CTNNA3: variants seen among roughly 807,000 people sequenced by gnomAD.
The protein encoded by CTNNA3 is catenin alpha-3.
CTNNA3 carries 76 observed loss-of-function variants against 95.7 expected under a neutral mutation model. That is an observed-to-expected ratio of 0.79 (90% confidence interval 0.66 to 0.96). The LOEUF is 0.96. CTNNA3 is among the 40% of genes least tolerant of loss of function. CTNNA3 has a pLI of 0.00. For missense variants in CTNNA3, 1,191 were observed against 1,089.8 expected (o/e 1.09, Z -1.31); for synonymous variants, 431 against 374.4 (o/e 1.15, Z -1.74).
chr10:67,012,336 T>C (rs1852387805), intron 7 of CTNNA3: 1 of 152,232 alleles, frequency 6.6e-6, no homozygotes, highest in African/African-American at 2.4e-5. Flanking sequence ...CCAGATCTCC[T>C]AGATGCCCAC....
At chr10:66,434,781 T>C (rs1009593260) in intron 11 of CTNNA3, among the ~76,000 whole-genome samples, 41 of 152,206 alleles carry the variant, frequency 2.7e-4, no homozygotes, top group African/African-American at 9.7e-4. Flanking sequence ...GGCTGTGAGT[T>C]TGTCATATAT....
chr10:66,169,236 C>A (rs961636136), intron 13 of CTNNA3, among the ~76,000 whole-genome samples: 3 of 152,144 alleles, frequency 2.0e-5, no homozygotes, highest in African/African-American at 7.2e-5. Flanking sequence ...GCCTTTGCAT[C>A]CTCAGAGCTT....
chr10:66,656,026 A>G (rs920018476), intron 9 of CTNNA3, among the ~76,000 whole-genome samples: 4 of 152,056 alleles, frequency 2.6e-5, no homozygotes, highest in African/African-American at 9.7e-5. Context: ...TTCTGTTTAA[A>G]TGTTTTACAT....
At chr10:66,800,278 A>G (rs1841380188) in intron 7 of CTNNA3, among the ~76,000 whole-genome samples, 1 of 151,374 alleles carries the variant, frequency 6.6e-6, no homozygotes, top group Non-Finnish European at 1.5e-5. Context: ...ATGTTCAATT[A>G]CTCAAAAGAA....
At chr10:66,311,176 G>A (rs2092015943) in intron 12 of CTNNA3, among the ~76,000 whole-genome samples, 2 of 152,208 alleles carry the variant, frequency 1.3e-5, no homozygotes, top group Non-Finnish European at 2.9e-5. Flanking sequence ...ATTGTGGAGA[G>A]CACGTCACTA....
At chr10:66,031,327 G>A (rs982450915) in intron 15 of CTNNA3, among the ~76,000 whole-genome samples, 1 of 152,138 alleles carries the variant, frequency 6.6e-6, no homozygotes, top group East Asian at 1.9e-4. Context: ...CAATGGATTG[G>A]ATGAAGAACA....
At chr10:66,261,509 G>A (rs1175808813) in intron 13 of CTNNA3, among the ~76,000 whole-genome samples, 3 of 151,828 alleles carry the variant, frequency 2.0e-5, no homozygotes, top group Non-Finnish European at 4.4e-5. Context: ...TTAATATAAC[G>A]TGTTTTGCTT....
chr10:66,572,197 AC>A (rs1268210576), intron 10 of CTNNA3, among the ~76,000 whole-genome samples: 3 of 152,062 alleles, frequency 2.0e-5, no homozygotes, highest in Non-Finnish European at 4.4e-5. Flanking sequence ...AGCCTAGCCA[AC>A]AAGGTGAAAC....
rs1447697667 is a variant in CTNNA3, at chr10:65,966,199, A to G, written c.2400+413T>C. On this transcript the variant is annotated intron_variant, in intron 17 of 17. Coordinates refer to ENST00000433211, the MANE Select transcript of CTNNA3 (RefSeq NM_013266.4). ...CATGAACATCTATGTTATAAAAAGA[A>G]ATAGGGGGAAAATGAATATCAATTA... Among the ~76,000 whole-genome samples, 5 of 152,194 alleles carry G rather than the reference A, an allele frequency of 3.3e-5. No individual in the cohort carries two copies. The East Asian group carries it at 9.6e-4, about 29-fold the overall frequency.
intron 12 of CTNNA3, among the ~76,000 whole-genome samples, chr10:66,367,051 G>A (rs1349100209): frequency 6.6e-6 from 1 of 152,094 alleles, no homozygotes; most frequent in African/African-American, 2.4e-5. Flanking sequence ...CCACACACCC[G>A]GGCCTGGGAG....
intron 10 of CTNNA3, among the ~76,000 whole-genome samples, chr10:66,570,636 A>T (rs1309421255): frequency 2.6e-5 from 4 of 151,972 alleles, no homozygotes; most frequent in East Asian, 3.9e-4. Flanking sequence ...AAACCAGCTA[A>T]CTTGACTTTT....
chr10:66,445,690 T>G (rs1052498910), intron 11 of CTNNA3, among the ~76,000 whole-genome samples: 25 of 151,344 alleles, frequency 1.7e-4, no homozygotes, highest in Admixed American at 1.4e-3. Flanking sequence ...AGAGGAAAAT[T>G]TATAGCACTA....
rs73315291 is a variant in CTNNA3 at position 66,982,795 on chromosome 10, G to T, written c.1047+197522C>A. Among the ~76,000 whole-genome samples, 1,131 of 152,268 alleles carry T rather than the reference G, an allele frequency of 7.4e-3. 18 individuals are homozygous for T. Among genetic ancestry groups the T allele is most frequent in the African/African-American group, 0.026 (1,078 of 41,556 alleles). On this transcript the variant is annotated intron_variant, in intron 7 of 17. Coordinates refer to ENST00000433211, the MANE Select transcript of CTNNA3 (RefSeq NM_013266.4). ...AAATGTCAAAATACAGGTATGAATG[G>T]AGTCTTGCCTTTCCAGTAAGATATT...
chr10:66,761,316 G>A (rs1051531276), intron 9 of CTNNA3, among the ~76,000 whole-genome samples: 1 of 152,036 alleles, frequency 6.6e-6, no homozygotes, highest in Admixed American at 6.6e-5. Context: ...TCTGATGAAA[G>A]GCTCCCATGA....
intron 15 of CTNNA3, among the ~76,000 whole-genome samples, chr10:66,043,336 C>A (rs1359883931): frequency 6.6e-6 from 1 of 152,014 alleles, no homozygotes; most frequent in Non-Finnish European, 1.5e-5. Context: ...CACATTGAAC[C>A]CCAAATTAGC....
At chr10:67,626,095 T>C (rs1308051408) in intron 2 of CTNNA3, among the ~76,000 whole-genome samples, 1 of 151,456 alleles carries the variant, frequency 6.6e-6, no homozygotes, top group African/African-American at 2.4e-5. Flanking sequence ...GACAGGAGGA[T>C]GGCTTGAGCC....
intron 5 of CTNNA3, among the ~76,000 whole-genome samples, chr10:67,270,212 T>G (rs1838914881): frequency 6.6e-6 from 1 of 152,032 alleles, no homozygotes; most frequent in African/African-American, 2.4e-5. Context: ...TTAAACATTA[T>G]CTTTCTAGAG....
At chr10:67,531,395 TG>T (rs1197592870) in intron 4 of CTNNA3, among the ~76,000 whole-genome samples, 1 of 152,222 alleles carries the variant, frequency 6.6e-6, no homozygotes, top group Non-Finnish European at 1.5e-5. Flanking sequence ...CAGCATGATC[TG>T]GATGTGAGAC....
At chr10:67,474,498 C>T (rs1847934500) in intron 5 of CTNNA3, among the ~76,000 whole-genome samples, 1 of 152,118 alleles carries the variant, frequency 6.6e-6, no homozygotes, top group Non-Finnish European at 1.5e-5. Context: ...AGACTCCTAG[C>T]CTCCAGAACT....
Sources: allele counts gnomAD v4.1 joint callset (sites outside exome capture counted in the v4.1 genomes callset), GRCh38; gene constraint gnomAD v4.1.1; transcripts MANE v1.5; gene names NCBI Gene and HGNC (gene_info 2026-07-23, HGNC 2026-07-21).